Variants in ATP2C2 observed in about 807,000 individuals in gnomAD.
The protein encoded by ATP2C2 is calcium-transporting ATPase type 2C member 2.
A neutral mutation model predicts 110.8 loss-of-function variants in ATP2C2; 171 were observed. The observed-to-expected ratio is 1.54, with a 90% confidence interval of 1.36 to 1.75. The LOEUF (loss-of-function observed/expected upper bound fraction) is 1.75, where lower values mean the gene tolerates loss of function less well. ATP2C2 is among the 40% of genes most tolerant of loss of function. The pLI is 0.00. For missense variants in ATP2C2, 1,963 were observed against 1,235.0 expected (o/e 1.59, Z -8.84); for synonymous variants, 804 against 508.4 (o/e 1.58, Z -7.82).
rs778770067 is a variant in ATP2C2 at position 84,448,614 on chromosome 16, C to G, written c.1585C>G (p.Pro529Ala). The change falls in exon 17 of 27, where the codon CCC (proline) becomes GCC (alanine). Residue 529 changes from proline to alanine, a missense_variant. By Grantham distance (27) the Pro-to-Ala change is conservative. Coordinates refer to ENST00000262429, the MANE Select transcript of ATP2C2 (RefSeq NM_014861.4). ...YCTMYNNGGI[P>A]LPLTPQQRSF... ...CACCATGTACAACAACGGGGGCATC[C>G]CCCTGCCGCTGACGCCCCAGCAGAG... The G allele has an allele frequency of 1.2e-6, 2 of 1,614,102 alleles. No homozygotes were observed. The highest frequency in any genetic ancestry group is 2.2e-5 in the South Asian group (2 of 91,048).
chr16:84,416,444 C>T (rs1906841761), intron 7 of ATP2C2, among the ~76,000 whole-genome samples: 1 of 152,186 alleles, frequency 6.6e-6, no homozygotes, highest in Non-Finnish European at 1.5e-5. Flanking sequence ...GATGCATTCT[C>T]AGGAACTGTA....
chr16:84,395,589 A>C (rs1305270049), intron 1 of ATP2C2, among the ~76,000 whole-genome samples: 2 of 149,326 alleles, frequency 1.3e-5, no homozygotes, highest in African/African-American at 2.5e-5. Context: ...GCTCATTGCA[A>C]CCTCCGCCTT....
At chr16:84,434,834 A>G (rs1175597108) in intron 11 of ATP2C2, among the ~76,000 whole-genome samples, 1 of 152,208 alleles carries the variant, frequency 6.6e-6, no homozygotes, top group African/African-American at 2.4e-5. Context: ...AATCTTTATT[A>G]GTCTGTGGAT....
chr16:84,461,730 C>T lies in ATP2C2; in HGVS notation c.2498C>T (p.Ala833Val). 1 of 1,614,172 alleles carries T rather than the reference C, an allele frequency of 6.2e-7. No individual in the cohort carries two copies. Among genetic ancestry groups the T allele is most frequent in the Non-Finnish European group, 8.5e-7 (1 of 1,179,998 alleles). ...IFWKEMPEDR[A>V]STPRTTTMTF... Reference sequence around the variant, plus strand: ...ACCTTCCAGATGCCTGAAGACAGAGCAAGCACTCCCCGCACCACGACGATG... The same window carrying T: ...ACCTTCCAGATGCCTGAAGACAGAGTAAGCACTCCCCGCACCACGACGATG... Residue 833 changes from alanine to valine, a missense_variant, in exon 25 of 27, where the codon GCA (alanine) becomes GTA (valine). Physicochemically the swap from Ala to Val is moderately conservative, Grantham distance 64 (BLOSUM62 0). Transcript: ENST00000262429.
intron 6 of ATP2C2, among the ~76,000 whole-genome samples, 173 bp from the exon 7 acceptor site, chr16:84,415,310 C>G (rs907814858): frequency 1.3e-5 from 2 of 152,198 alleles, no homozygotes; most frequent in African/African-American, 4.8e-5. Flanking sequence ...CACATACTTT[C>G]TCTAAAGTCT....
Position 84,418,185 on chromosome 16 carries a change from G to A in ATP2C2, c.624+2594G>A, listed in dbSNP as rs139620645. ...GTGACGCTTCGTCTTGGAGGTGGGG[G>A]CACCGGGTGGGCATGAGCCCTGTGT... is the stretch of plus-strand genomic sequence containing the variant. On this transcript the variant is annotated intron_variant, in intron 7 of 26. Transcript: ENST00000262429. Among the ~76,000 whole-genome samples the A allele has an allele frequency of 3.1e-3, 466 of 152,304 alleles. 3 individuals carry two copies. Among genetic ancestry groups the A allele is most frequent in the African/African-American group, 0.011 (444 of 41,556 alleles).
At chr16:84,409,548 C>T (rs1180153906) in intron 4 of ATP2C2, among the ~76,000 whole-genome samples, 6 of 152,178 alleles carry the variant, frequency 3.9e-5, no homozygotes, top group African/African-American at 7.2e-5. Context: ...CTTGCTGTGT[C>T]GTCCAGGCTG....
At chr16:84,449,324 C>G (rs972895325) in intron 17 of ATP2C2, among the ~76,000 whole-genome samples, 1 of 152,170 alleles carries the variant, frequency 6.6e-6, no homozygotes, top group Non-Finnish European at 1.5e-5. Flanking sequence ...GGGGCGAGAC[C>G]CTTGCGGCTT....
Position 84,407,399 on chromosome 16 carries a change from G to A in ATP2C2, c.328-1006G>A, listed in dbSNP as rs80240222. Reference sequence around the variant, plus strand: ...ATGTGGATGGAGGGCGTCGCTGGAGGGCAGGGTGCAGAGTCCCTGAGGGGA... The same window carrying A: ...ATGTGGATGGAGGGCGTCGCTGGAGAGCAGGGTGCAGAGTCCCTGAGGGGA... On this transcript the variant is annotated intron_variant, in intron 3 of 26. Coordinates refer to ENST00000262429, the MANE Select transcript of ATP2C2 (RefSeq NM_014861.4). 1,232 of 152,640 alleles carry A rather than the reference G, an allele frequency of 8.1e-3. 16 individuals are homozygous for A. Among genetic ancestry groups the A allele is most frequent in the African/African-American group, 0.028 (1,172 of 41,524 alleles). 9.5% of individuals were successfully genotyped at this position (152,640 alleles called of 1,614,324 possible).
intron 11 of ATP2C2, chr16:84,426,158 G>C (rs1055412080): frequency 4.7e-6 from 1 of 214,560 alleles, no homozygotes; most frequent in Non-Finnish European, 9.5e-6. Flanking sequence ...TCAGCTTCTG[G>C]GGAGGCTCCA....
intron 7 of ATP2C2, among the ~76,000 whole-genome samples, chr16:84,416,664 G>A (rs186381828): frequency 6.9e-4 from 105 of 152,278 alleles, no homozygotes; most frequent in African/African-American, 2.5e-3. Context: ...CAGGGATAAG[G>A]GTGGGAGATG....
intron 1 of ATP2C2, among the ~76,000 whole-genome samples, chr16:84,393,728 T>G (rs1435720608): frequency 2.1e-5 from 2 of 93,194 alleles, no homozygotes; most frequent in Admixed American, 1.3e-4. Flanking sequence ...GGCCAGTGGA[T>G]GGGAGGCTAT....
At chr16:84,411,731 C>T (rs896099029) in intron 6 of ATP2C2, among the ~76,000 whole-genome samples, 13 of 152,226 alleles carry the variant, frequency 8.5e-5, no homozygotes, top group South Asian at 4.1e-4. Context: ...TGTGAGCCAC[C>T]GTGCCCGGCC....
Position 84,368,565 on chromosome 16 carries a change from C to G in ATP2C2, c.-51C>G, listed in dbSNP as rs914227325. The G allele has an allele frequency of 7.1e-7, 1 of 1,417,608 alleles. No homozygotes were observed. The highest frequency in any genetic ancestry group is 1.2e-5 in the South Asian group (1 of 81,088). The allele number at this position is 1,417,608 out of a possible 1,614,324, so 87.8% of individuals were successfully genotyped here. A position where few individuals can be genotyped will look rare whatever the true frequency, so the allele number is the denominator to read the frequency against. The stretch of plus-strand genomic sequence containing the variant: ...GAGGCTTGGGCGCGCGCAGCCATCC[C>G]GGGCCTCGCCGGGGACCTAGGGACG... On this transcript the variant is annotated 5_prime_UTR_variant, in exon 1 of 27. Coordinates refer to ENST00000262429, the MANE Select transcript of ATP2C2 (RefSeq NM_014861.4).
In ATP2C2 at chr16:84,410,681, A is replaced by T. The variant is rs746697907; in HGVS notation, c.454-23A>T. ...CATGGAGTCCCCACCTTTAAACAGC[A>T]CATCTGATGTGCTTCCTGCCAGGAG... On this transcript the variant is annotated intron_variant, in intron 5 of 26. Coordinates refer to ENST00000262429, the MANE Select transcript of ATP2C2 (RefSeq NM_014861.4). 4 of 1,614,010 alleles carry T rather than the reference A, an allele frequency of 2.5e-6. No individual in the cohort carries two copies. The East Asian group carries it at 8.9e-5, about 36-fold the overall frequency.
chr16:84,432,248 T>C (rs1908344904), intron 11 of ATP2C2, among the ~76,000 whole-genome samples: 1 of 152,192 alleles, frequency 6.6e-6, no homozygotes, highest in Non-Finnish European at 1.5e-5. Flanking sequence ...GTGTTGAGAC[T>C]CACATTTCTT....
chr16:84,422,625 A>T lies in ATP2C2; in HGVS notation c.775-4A>T. ...TTTCATACTTCTCTCTCTCCTGGAC[A>T]CAGGGGGTCGTGATTGGAACAGGGG... On this transcript the variant is annotated splice_region_variant and splice_polypyrimidine_tract_variant and intron_variant, in intron 8 of 26. Transcript: ENST00000262429. 1 of 1,612,868 alleles carries T rather than the reference A, an allele frequency of 6.2e-7. No individual in the cohort carries two copies. Among genetic ancestry groups the T allele is most frequent in the South Asian group, 1.1e-5 (1 of 90,926 alleles).
Position 84,423,226 on chromosome 16 carries a change from A to T in ATP2C2, c.882A>T (p.Leu294=). ...CTTTGCAGAAAAGCATGGACAGGCT[A>T]GGAAAGCAACTGACACTCTTCTCCT... is the stretch of plus-strand genomic sequence containing the variant. ...KTPLQKSMDR[L]GKQLTLFSFG... is the part of the protein sequence containing the mutation. Residue 294 remains leucine (L), a synonymous_variant, in exon 10 of 27, where the codon CTA becomes CTT. Transcript: ENST00000262429. 6.2e-7 allele frequency: 1 copy of T among 1,614,158 alleles called. No individual in the cohort carries two copies. The highest frequency in any genetic ancestry group is 1.1e-5 in the South Asian group (1 of 91,076).
chr16:84,388,667 G>A (rs1904465080), intron 1 of ATP2C2, among the ~76,000 whole-genome samples: 1 of 152,216 alleles, frequency 6.6e-6, no homozygotes, highest in Non-Finnish European at 1.5e-5. Flanking sequence ...CCACTCGATT[G>A]TTTTGTTCTT....
Sources: allele counts gnomAD v4.1 joint callset (sites outside exome capture counted in the v4.1 genomes callset), GRCh38; gene constraint gnomAD v4.1.1; transcripts MANE v1.5; gene names NCBI Gene and HGNC (gene_info 2026-07-23, HGNC 2026-07-21).